The following TUBGCP4 variants were observed in gnomAD, a reference collection of about 807,000 sequenced individuals.
TUBGCP4 encodes the protein tubulin gamma complex component 4.
Under a neutral mutation model 91.6 loss-of-function variants are expected in TUBGCP4, and 54 were observed. The ratio of observed to expected loss-of-function variants is 0.59; its 90% CI spans 0.47 to 0.74. The LOEUF is 0.74. TUBGCP4 is among the 30% of genes least tolerant of loss of function. TUBGCP4 has a pLI of 0.00. For missense variants in TUBGCP4, 593 were observed against 800.9 expected (o/e 0.74, Z 3.13); for synonymous variants, 297 against 302.8 (o/e 0.98, Z 0.20).
chr15:43,398,188 T>G lies in TUBGCP4; in HGVS notation c.1418+9T>G. ...CCAGCTGTCCTGGAAAAGTGAGTAT[T>G]TCTGAGTTTCTCACAGGTAAATATG... On this transcript the variant is annotated intron_variant, in intron 13 of 17. Coordinates refer to ENST00000564079, the MANE Select transcript of TUBGCP4 (RefSeq NM_014444.5). 3.1e-6 allele frequency: 5 copies of G among 1,607,380 alleles called. No individual in the cohort carries two copies. The highest frequency in any genetic ancestry group is 4.3e-6 in the Non-Finnish European group (5 of 1,176,288).
In TUBGCP4 at chr15:43,409,656, A is replaced by G; in HGVS notation, c.*4442A>G. The G allele has an allele frequency of 6.5e-7, 1 of 1,540,800 alleles. No individual in the cohort carries two copies. Among genetic ancestry groups the G allele is most frequent in the South Asian group, 1.3e-5 (1 of 79,718 alleles). On this transcript the variant is annotated 3_prime_UTR_variant, in exon 18 of 18. Transcript: ENST00000564079. ...CAAAGAAACTCCTCACCTGGGCTTCATTGAAATCTTCAAGGATATAGCCAG... is the reference window on the plus strand; with the variant it reads ...CAAAGAAACTCCTCACCTGGGCTTCGTTGAAATCTTCAAGGATATAGCCAG...
In TUBGCP4 at chr15:43,407,927, A is replaced by G; in HGVS notation, c.*2713A>G. On this transcript the variant is annotated 3_prime_UTR_variant, in exon 18 of 18. Transcript: ENST00000564079. ...GATCCCTGGAACAAAGACACTACACACACTCTTTCAGGTACCTTTGTTATG... is the reference window on the plus strand; with the variant it reads ...GATCCCTGGAACAAAGACACTACACGCACTCTTTCAGGTACCTTTGTTATG... 2 of 1,607,404 alleles carry G rather than the reference A, an allele frequency of 1.2e-6. No individual in the cohort carries two copies. Among genetic ancestry groups the G allele is most frequent in the Non-Finnish European group, 1.7e-6 (2 of 1,178,890 alleles).
intron 17 of TUBGCP4, 39 bp from the exon 18 acceptor site, chr15:43,405,163 A>G: frequency 6.2e-7 from 1 of 1,613,238 alleles, no homozygotes; most frequent in Non-Finnish European, 8.5e-7. Context: ...AGTCTTGGGA[A>G]AGCATGACAC....
chr15:43,385,474 G>C (rs556106253), intron 7 of TUBGCP4: 26 of 455,454 alleles, frequency 5.7e-5, no homozygotes, highest in African/African-American at 5.3e-4. Context: ...GAGAAGACCT[G>C]GAAAACAAAA....
At position 43,406,438 on chromosome 15, in the gene TUBGCP4, T is replaced by C. The variant is rs1008340239; in HGVS notation, c.*1224T>C. The C allele has an allele frequency of 1.4e-5, 5 of 350,212 alleles. No homozygotes were observed. Among genetic ancestry groups the C allele is most frequent in the South Asian group, 4.6e-5 (2 of 43,832 alleles). The allele number at this position is 350,212 out of a possible 1,614,324, so 21.7% of individuals were successfully genotyped here. A position where few individuals can be genotyped will look rare whatever the true frequency, so the allele number is the denominator to read the frequency against. ...CTCTGGAGCAGGAGCTGGCAAACTA[T>C]GGCCTGCTGTCTGTTTTTGTACAGT... On this transcript the variant is annotated 3_prime_UTR_variant, in exon 18 of 18. Transcript: ENST00000564079.
Position 43,408,275 on chromosome 15 carries a change from C to G in TUBGCP4, c.*3061C>G. On this transcript the variant is annotated 3_prime_UTR_variant, in exon 18 of 18. Coordinates refer to ENST00000564079, the MANE Select transcript of TUBGCP4 (RefSeq NM_014444.5). ...GTTGGATCTCTTGGGCCTGGGAGTT[C>G]GAGACCAGCCTGGGCAATGTGGTGA... The G allele has an allele frequency of 1.7e-6, 1 of 575,148 alleles. No individual in the cohort carries two copies. The highest frequency in any genetic ancestry group is 3.0e-6 in the Non-Finnish European group (1 of 331,448). 35.6% of individuals were successfully genotyped at this position (575,148 alleles called of 1,614,324 possible).
In TUBGCP4 at chr15:43,406,445, C is replaced by T; in HGVS notation, c.*1231C>T. 1.1e-5 allele frequency: 4 copies of T among 351,456 alleles called. No individual in the cohort carries two copies. Among genetic ancestry groups the T allele is most frequent in the South Asian group, 9.1e-5 (4 of 43,814 alleles). The allele number at this position is 351,456 out of a possible 1,614,324, so 21.8% of individuals were successfully genotyped here. A position where few individuals can be genotyped will look rare whatever the true frequency, so the allele number is the denominator to read the frequency against. On this transcript the variant is annotated 3_prime_UTR_variant, in exon 18 of 18. Coordinates refer to ENST00000564079, the MANE Select transcript of TUBGCP4 (RefSeq NM_014444.5). ...GCAGGAGCTGGCAAACTATGGCCTG[C>T]TGTCTGTTTTTGTACAGTTTTACTG...
chr15:43,397,200 G>A lies in TUBGCP4; in HGVS notation c.1172-14G>A, dbSNP rs2044596057. The stretch of plus-strand genomic sequence containing the variant: ...GCCAAGCGTCCCTGTCAGCCTGCGT[G>A]TTCTTTCTTGCAGATGTGAATGTGG... On this transcript the variant is annotated splice_polypyrimidine_tract_variant and intron_variant, in intron 11 of 17. Coordinates refer to ENST00000564079, the MANE Select transcript of TUBGCP4 (RefSeq NM_014444.5). 6.2e-7 allele frequency: 1 copy of A among 1,609,286 alleles called. No homozygotes were observed. Among genetic ancestry groups the A allele is most frequent in the Non-Finnish European group, 8.5e-7 (1 of 1,175,536 alleles).
chr15:43,407,650 C>T lies in TUBGCP4; in HGVS notation c.*2436C>T. 1 of 1,337,894 alleles carries T rather than the reference C, an allele frequency of 7.5e-7. No individual in the cohort carries two copies. 82.9% of individuals were successfully genotyped at this position (1,337,894 alleles called of 1,614,324 possible). A position where few individuals can be genotyped will look rare whatever the true frequency, so the allele number is the denominator to read the frequency against. On this transcript the variant is annotated 3_prime_UTR_variant, in exon 18 of 18. Coordinates refer to ENST00000564079, the MANE Select transcript of TUBGCP4 (RefSeq NM_014444.5). The stretch of plus-strand genomic sequence containing the variant: ...TTAGAAAGAGAGATTTGATTCTAAC[C>T]AATACATCCCACTCTGCACAAACCA...
Position 43,409,022 on chromosome 15 carries a change from G to C in TUBGCP4, c.*3808G>C, listed in dbSNP as rs768935265. 4 of 1,614,060 alleles carry C rather than the reference G, an allele frequency of 2.5e-6. No homozygotes were observed. The African/African-American group carries it at 5.3e-5, about 22-fold the overall frequency. ...CATGAGACACACAAGGAATCCCACT[G>C]GCAAGGCACAGGAAGTACTTCCGGG... On this transcript the variant is annotated 3_prime_UTR_variant, in exon 18 of 18. Coordinates refer to ENST00000564079, the MANE Select transcript of TUBGCP4 (RefSeq NM_014444.5).
intron 11 of TUBGCP4, 29 bp from the exon 12 acceptor site, chr15:43,397,185 C>A: frequency 6.4e-7 from 1 of 1,566,608 alleles, no homozygotes; most frequent in Non-Finnish European, 8.8e-7. Flanking sequence ...GCCAAGCGTC[C>A]CTGTCAGCCT....
chr15:43,391,358 CCCTG>C (rs2044465638), intron 9 of TUBGCP4: 2 of 152,234 alleles, frequency 1.3e-5, no homozygotes, highest in African/African-American at 2.4e-5. Context: ...AATCACCATG[CCCTG>C]CTATATTTTA....
Position 43,398,107 on chromosome 15 carries a change from G to T in TUBGCP4, c.1346G>T (p.Trp449Leu). Residue 449 changes from tryptophan to leucine, a missense_variant, in exon 13 of 18, where the codon TGG becomes TTG. Physicochemically the swap from Trp to Leu is moderately conservative, Grantham distance 61. Transcript: ENST00000564079. ...TSPREAPASG[W>L]AALGLSYKVQ... The stretch of plus-strand genomic sequence containing the variant: ...CCCCGGGAAGCCCCTGCATCTGGCT[G>T]GGCAGCCCTAGGTCTTTCCTACAAA... 1 of 1,614,068 alleles carries T rather than the reference G, an allele frequency of 6.2e-7. No individual in the cohort carries two copies. The highest frequency in any genetic ancestry group is 8.5e-7 in the Non-Finnish European group (1 of 1,179,970).
rs2044351592 is a variant in TUBGCP4 at position 43,386,021 on chromosome 15, C to T, written c.889+65C>T. 3 of 1,583,908 alleles carry T rather than the reference C, an allele frequency of 1.9e-6. No individual in the cohort carries two copies. In the Admixed American group the frequency reaches 5.2e-5, roughly 27 times the overall value. The stretch of plus-strand genomic sequence containing the variant: ...CTCTTCTTCCTTAATACTATGTGGC[C>T]CCACAGCATGCCTGGTCAGAGCGAG... On this transcript the variant is annotated intron_variant, in intron 8 of 17. Transcript: ENST00000564079.
chr15:43,407,232 T>C lies in TUBGCP4; in HGVS notation c.*2018T>C. On this transcript the variant is annotated 3_prime_UTR_variant, in exon 18 of 18. Transcript: ENST00000564079. ...ATCCCAGTTACTACAACCAAAGAGA[T>C]TCAACATTTATTTTATCATAAAAGT... The C allele has an allele frequency of 1.5e-6, 1 of 671,908 alleles. No homozygotes were observed. The highest frequency in any genetic ancestry group is 2.1e-5 in the South Asian group (1 of 47,564). The allele number at this position is 671,908 out of a possible 1,614,324, so 41.6% of individuals were successfully genotyped here. A position where few individuals can be genotyped will look rare whatever the true frequency, so the allele number is the denominator to read the frequency against.
At chr15:43,396,717 C>CGTCTTCT (rs2044586212) in intron 11 of TUBGCP4, among the ~76,000 whole-genome samples, 1 of 152,070 alleles carries the variant, frequency 6.6e-6, no homozygotes, top group Non-Finnish European at 1.5e-5. Flanking sequence ...GGTCTCTTTC[C>CGTCTTCT]ATCTTCTACC....
rs200807696 is a variant in TUBGCP4, at chr15:43,376,086, C to T, written c.79-12C>T. ...ACTGGCGGTGTTTTCGGCAGTGTTC[C>T]TCTTCCTGCAGGTATCGCAGGACTT... On this transcript the variant is annotated splice_polypyrimidine_tract_variant and intron_variant, in intron 1 of 17. Transcript: ENST00000564079. The T allele has an allele frequency of 3.0e-5, 49 of 1,612,552 alleles. No individual in the cohort carries two copies. The South Asian group carries it at 5.2e-4, about 17-fold the overall frequency.
At chr15:43,393,646 T>A (rs966509491) in intron 9 of TUBGCP4, among the ~76,000 whole-genome samples, 1 of 152,026 alleles carries the variant, frequency 6.6e-6, no homozygotes, top group East Asian at 1.9e-4. Context: ...CCTTCCTGTG[T>A]CCGTGTGTTC....
chr15:43,372,571 T>C (rs2044140594), intron 1 of TUBGCP4, among the ~76,000 whole-genome samples: 1 of 139,984 alleles, frequency 7.1e-6, no homozygotes, highest in African/African-American at 2.7e-5. Context: ...AGTATGTGGG[T>C]GCCTGATGGT....
Sources: allele counts gnomAD v4.1 joint callset (sites outside exome capture counted in the v4.1 genomes callset), GRCh38; gene constraint gnomAD v4.1.1; transcripts MANE v1.5; gene names NCBI Gene and HGNC (gene_info 2026-07-23, HGNC 2026-07-21).